Variants in DPP6 observed in about 807,000 individuals in gnomAD.
DPP6 encodes the protein A-type potassium channel modulatory protein DPP6.
DPP6 carries 69 observed loss-of-function variants against 122.6 expected under a neutral mutation model. That is an observed-to-expected ratio of 0.56 (90% CI 0.46 to 0.69). The LOEUF (loss-of-function observed/expected upper bound fraction) is 0.69. Ranked by LOEUF, DPP6 falls within the 30% of genes least tolerant of loss-of-function variation. The pLI is 0.00. For missense variants in DPP6, 928 were observed against 1,116.9 expected (o/e 0.83, Z 2.41); for synonymous variants, 418 against 433.1 (o/e 0.97, Z 0.43).
chr7:153,937,437 CTTT>C (rs201001951), intron 1 of DPP6, among the ~76,000 whole-genome samples: 212 of 115,222 alleles, frequency 1.8e-3, no homozygotes, highest in East Asian at 4.1e-3. Context: ...TCAGAGCTAA[CTTT>C]TTTTTTTTTT....
chr7:154,072,839 G>A (rs1474652842), intron 1 of DPP6, among the ~76,000 whole-genome samples: 2 of 152,380 alleles, frequency 1.3e-5, no homozygotes, highest in African/African-American at 4.8e-5. Flanking sequence ...AGCAACTGTC[G>A]GAAGCCACAG....
At chr7:154,224,918 A>G (rs909242130) in intron 1 of DPP6, among the ~76,000 whole-genome samples, 2 of 152,036 alleles carry the variant, frequency 1.3e-5, no homozygotes, top group African/African-American at 4.8e-5. Flanking sequence ...AGAGGCGGGC[A>G]GATTACTTGA....
chr7:154,326,581 G>T (rs1368479870), intron 1 of DPP6, among the ~76,000 whole-genome samples: 1 of 152,178 alleles, frequency 6.6e-6, no homozygotes, highest in African/African-American at 2.4e-5. Context: ...AGTGTTGTAT[G>T]TTTGTCAAGA....
chr7:154,804,268 A>G (rs1432234578), intron 14 of DPP6, among the ~76,000 whole-genome samples: 2 of 152,280 alleles, frequency 1.3e-5, no homozygotes, highest in African/African-American at 4.8e-5. Flanking sequence ...CTCTAAGCCA[A>G]GTGCTTTACA....
intron 1 of DPP6, among the ~76,000 whole-genome samples, chr7:153,893,144 G>A (rs568799402): frequency 3.3e-5 from 5 of 152,204 alleles, no homozygotes; most frequent in African/African-American, 4.8e-5. Flanking sequence ...GTAGTGAAGA[G>A]GGCTGTGCTG....
chr7:154,809,920 A>G (rs1013065967), intron 16 of DPP6, among the ~76,000 whole-genome samples: 1 of 152,168 alleles, frequency 6.6e-6, no homozygotes, highest in Non-Finnish European at 1.5e-5. Flanking sequence ...CCCAGGCTGG[A>G]GTGCACTAGT....
At chr7:154,424,569 A>G (rs1817737690) in intron 1 of DPP6, among the ~76,000 whole-genome samples, 1 of 152,172 alleles carries the variant, frequency 6.6e-6, no homozygotes, top group South Asian at 2.1e-4. Context: ...TACCCTTATA[A>G]TTAAAATTGA....
In DPP6 at chr7:154,684,108, A is replaced by G. The variant is rs1171492053; in HGVS notation, c.762+14667A>G. Among the ~76,000 whole-genome samples the G allele has an allele frequency of 3.3e-5, 5 of 152,052 alleles. No homozygotes were observed. In the East Asian group the frequency reaches 9.7e-4, roughly 29 times the overall value. ...TGGTCTGGAACTCCTGCACTAAGCA[A>G]TCCTTCTACCTCAACCTCCCAAAGT... On this transcript the variant is annotated intron_variant, in intron 7 of 25. Transcript: ENST00000377770.
chr7:154,204,250 T>A (rs1443295503), intron 1 of DPP6, among the ~76,000 whole-genome samples: 1 of 152,220 alleles, frequency 6.6e-6, no homozygotes, highest in African/African-American at 2.4e-5. Flanking sequence ...CCTGGAAAGT[T>A]GAACAGAGAT....
At position 154,136,758 on chromosome 7, in the gene DPP6, A is replaced by G. The variant is rs528566608; in HGVS notation, c.243+83695A>G. 1.3e-3 allele frequency among the ~76,000 whole-genome samples: 200 copies of G among 152,366 alleles called. 3 individuals carry two copies. The South Asian group carries it at 0.026, about 20-fold the overall frequency. ...AATAGAACCTTGAGACCCTCTGAAA[A>G]GAAGACTTATGTCAGATTGATAATT... is the stretch of plus-strand genomic sequence containing the variant. On this transcript the variant is annotated intron_variant, in intron 1 of 25. Coordinates refer to ENST00000377770, the MANE Select transcript of DPP6 (RefSeq NM_130797.4).
chr7:153,848,007 G>T, the DPP6 span, among the ~76,000 whole-genome samples: 2 of 152,054 alleles, frequency 1.3e-5, no homozygotes, highest in Non-Finnish European at 2.9e-5. Context: ...TGGGAACCTT[G>T]CCAGGCCCAA....
intron 1 of DPP6, among the ~76,000 whole-genome samples, chr7:154,088,309 A>G (rs1221759974): frequency 6.8e-6 from 1 of 146,258 alleles, no homozygotes; most frequent in Non-Finnish European, 1.5e-5. Context: ...ATCACGTGGC[A>G]ACACCAACCA....
chr7:154,160,047 C>T (rs767987726), intron 1 of DPP6, among the ~76,000 whole-genome samples: 13 of 152,204 alleles, frequency 8.5e-5, no homozygotes, highest in East Asian at 1.9e-4. Context: ...AGGGTCAAGG[C>T]GGCAGTGAGC....
intron 1 of DPP6, among the ~76,000 whole-genome samples, chr7:153,937,345 T>G (rs938925136): frequency 1.3e-5 from 2 of 151,980 alleles, no homozygotes; most frequent in African/African-American, 4.8e-5. Flanking sequence ...CCAAAACAGA[T>G]GAGTTGTGGT....
chr7:154,404,706 G>A (rs536349336), intron 1 of DPP6, among the ~76,000 whole-genome samples: 3 of 152,302 alleles, frequency 2.0e-5, no homozygotes, highest in African/African-American at 7.2e-5. Flanking sequence ...GTTGTGATTC[G>A]ATAAAATGGA....
chr7:153,964,759 C>A (rs1178730496), intron 1 of DPP6, among the ~76,000 whole-genome samples: 2 of 147,906 alleles, frequency 1.4e-5, no homozygotes, highest in Admixed American at 6.7e-5. Flanking sequence ...GGCTCTGATG[C>A]TCCACATTCT....
At chr7:154,230,100 A>G (rs1800834422) in intron 1 of DPP6, among the ~76,000 whole-genome samples, 2 of 152,090 alleles carry the variant, frequency 1.3e-5, no homozygotes, top group South Asian at 4.1e-4. Flanking sequence ...AAGCAGCTAC[A>G]TTATCCACAT....
chr7:154,530,642 T>C (rs1028436526), intron 3 of DPP6, among the ~76,000 whole-genome samples: 1 of 152,148 alleles, frequency 6.6e-6, no homozygotes, highest in African/African-American at 2.4e-5. Flanking sequence ...AATTACTGGG[T>C]ATACACATGA....
At chr7:154,804,442 A>T (rs1357169130) in intron 14 of DPP6, among the ~76,000 whole-genome samples, 1 of 152,220 alleles carries the variant, frequency 6.6e-6, no homozygotes, top group Non-Finnish European at 1.5e-5. Context: ...GGAGGACTTT[A>T]CCACCATACA....
Sources: gnomAD v4.1 joint callset for allele counts (sites outside exome capture counted in the v4.1 genomes callset) on GRCh38, gnomAD v4.1.1 for gene constraint, MANE v1.5 for transcripts, NCBI Gene and HGNC (gene_info 2026-07-23, HGNC 2026-07-21) for gene names.